The following DHX15 variants were observed in gnomAD, a reference collection of about 807,000 sequenced individuals.
DHX15 encodes the protein DEAH-box helicase 15.
A neutral mutation model predicts 94.4 loss-of-function variants in DHX15; 11 were observed. The ratio of observed to expected loss-of-function variants is 0.12; its 90% CI spans 0.07 to 0.19. The LOEUF (loss-of-function observed/expected upper bound fraction) is 0.19. Ranked by LOEUF, DHX15 falls within the 10% of genes least tolerant of loss-of-function variation. The probability of loss-of-function intolerance (pLI) is 1.00; values close to 1 mark genes in which losing one functional copy is unlikely to be tolerated. For missense variants in DHX15, 304 were observed against 988.5 expected (o/e 0.31, Z 9.29); for synonymous variants, 338 against 329.9 (o/e 1.02, Z -0.27).
rs1359771447 is a variant in DHX15 at position 24,571,634 on chromosome 4, T to C, written c.508-787A>G. Among the ~76,000 whole-genome samples the C allele has an allele frequency of 3.3e-5, 5 of 152,336 alleles. No individual in the cohort carries two copies. In the East Asian group the frequency reaches 9.6e-4, roughly 29 times the overall value. On this transcript the variant is annotated intron_variant, in intron 2 of 13. Coordinates refer to ENST00000336812, the MANE Select transcript of DHX15 (RefSeq NM_001358.3). ...AAAAATGTAAGTGCTCACCATATTA[T>C]ATGGAAATCCACTGCTAGAAGAGCA... is the stretch of plus-strand genomic sequence containing the variant.
chr4:24,575,711 T>C (rs1442172430), intron 2 of DHX15, among the ~76,000 whole-genome samples: 2 of 152,164 alleles, frequency 1.3e-5, no homozygotes, highest in African/African-American at 2.4e-5. Flanking sequence ...TAAATGTCTA[T>C]CAACAGGGGT....
At chr4:24,571,442 A>G (rs1023508357) in intron 2 of DHX15, among the ~76,000 whole-genome samples, 2 of 152,250 alleles carry the variant, frequency 1.3e-5, no homozygotes, top group African/African-American at 4.8e-5. Context: ...GACCTAGAGC[A>G]GCACCACTTC....
At chr4:24,567,577 CAAAAAAAAAA>C (rs1199812637) in intron 3 of DHX15, among the ~76,000 whole-genome samples, 1 of 98,672 alleles carries the variant, frequency 1.0e-5, no homozygotes, top group Non-Finnish European at 2.2e-5. Context: ...ACTCCGTCTC[CAAAAAAAAAA>C]AAAAAAAGTT....
intron 4 of DHX15, 68 bp downstream of exon 4, chr4:24,556,183 A>G (rs540232682): frequency 7.4e-7 from 1 of 1,360,436 alleles, no homozygotes; most frequent in African/African-American, 1.4e-5. Flanking sequence ...ATTGATCAGT[A>G]TGTATTCCCC....
At chr4:24,540,550 A>G (rs1008270505) in intron 9 of DHX15, among the ~76,000 whole-genome samples, 1 of 152,174 alleles carries the variant, frequency 6.6e-6, no homozygotes, top group African/African-American at 2.4e-5. Flanking sequence ...TGTGTTTATC[A>G]AACTGTTTTT....
intron 1 of DHX15, among the ~76,000 whole-genome samples, chr4:24,583,369 G>C (rs921419654): frequency 6.6e-6 from 1 of 152,132 alleles, no homozygotes; most frequent in East Asian, 1.9e-4. Flanking sequence ...CCTCCACATG[G>C]GCGGTGTTTC....
At chr4:24,563,165 T>C (rs1397369247) in intron 3 of DHX15, 11 of 151,172 alleles carry the variant, frequency 7.3e-5, no homozygotes, top group Admixed American at 7.3e-4. Context: ...ATATAAGAAA[T>C]ACATATATAT....
At chr4:24,578,248 C>T (rs141703848) in intron 1 of DHX15, among the ~76,000 whole-genome samples, 67 of 152,318 alleles carry the variant, frequency 4.4e-4, no homozygotes, top group African/African-American at 1.5e-3. Context: ...AGAGTCTGGA[C>T]CTATCTTCTG....
intron 4 of DHX15, among the ~76,000 whole-genome samples, chr4:24,555,956 T>C (rs1178084284): frequency 6.6e-6 from 1 of 152,064 alleles, no homozygotes. Flanking sequence ...TAAGCCTCTG[T>C]ACTTAATGAA....
chr4:24,574,876 A>G lies in DHX15; in HGVS notation c.507+1367T>C, dbSNP rs567519970. On this transcript the variant is annotated intron_variant, in intron 2 of 13. Coordinates refer to ENST00000336812, the MANE Select transcript of DHX15 (RefSeq NM_001358.3). Reference sequence around the variant, plus strand: ...AAATTCTTAAAATTTCCGTAAGGTGATTTTTGAATACCCTAACATCAATTC... The same window carrying G: ...AAATTCTTAAAATTTCCGTAAGGTGGTTTTTGAATACCCTAACATCAATTC... Among the ~76,000 whole-genome samples, 332 of 152,346 alleles carry G rather than the reference A, an allele frequency of 2.2e-3. 3 individuals carry two copies. The highest frequency in any genetic ancestry group is 2.3e-3 in the Non-Finnish European group (155 of 68,030).
At chr4:24,553,960 T>G (rs911150239) in intron 5 of DHX15, among the ~76,000 whole-genome samples, 2 of 152,204 alleles carry the variant, frequency 1.3e-5, no homozygotes, top group African/African-American at 2.4e-5. Context: ...GGCTCACGCC[T>G]GTAATCCCAG....
intron 3 of DHX15, among the ~76,000 whole-genome samples, chr4:24,570,426 G>A (rs942077027): frequency 2.0e-5 from 3 of 152,012 alleles, no homozygotes; most frequent in Non-Finnish European, 4.4e-5. Flanking sequence ...CACCTAAAAT[G>A]CAGAACCAAG....
chr4:24,555,362 A>G (rs116546882), intron 4 of DHX15, among the ~76,000 whole-genome samples: 4 of 152,026 alleles, frequency 2.6e-5, no homozygotes, highest in Non-Finnish European at 4.4e-5. Flanking sequence ...AAAAAGTTTC[A>G]TAAGAGTTCT....
rs779759128 is a variant in DHX15 at position 24,537,232 on chromosome 4, C to A, written c.1787-59G>T. The A allele has an allele frequency of 6.2e-7, 1 of 1,605,930 alleles. No homozygotes were observed. Among genetic ancestry groups the A allele is most frequent in the Non-Finnish European group, 8.5e-7 (1 of 1,175,432 alleles). ...CCCATATCGATGAGTCACGCATTCA[C>A]AGATAGAGGAACAAGGCCTAGCTAG... On this transcript the variant is annotated intron_variant, in intron 10 of 13. Transcript: ENST00000336812. This position sits in a 1 kb window ranked among gnomAD's most constrained non-coding sequence, Gnocchi z 4.7.
rs1560758901 is a variant in DHX15, at chr4:24,529,729, T to C, written c.2142A>G (p.Lys714=). The change falls in exon 13 of 14, where the codon AAA becomes AAG. Residue 714 remains lysine, a synonymous_variant. Transcript: ENST00000336812. The part of the protein sequence containing the change: ...LERTGHYLTV[K]DNQVVQLHPS... Reference sequence around the variant, plus strand: ...GATGCAACTGAACCACCTGGTTATCTTTCACAGTTAAGTAATGCCCTGTTC... The same window carrying C: ...GATGCAACTGAACCACCTGGTTATCCTTCACAGTTAAGTAATGCCCTGTTC... The C allele has an allele frequency of 6.2e-7, 1 of 1,614,238 alleles. No individual in the cohort carries two copies. The highest frequency in any genetic ancestry group is 8.5e-7 in the Non-Finnish European group (1 of 1,180,048).
At chr4:24,528,757 C>T (rs1721015038) in intron 13 of DHX15, among the ~76,000 whole-genome samples, 1 of 152,094 alleles carries the variant, frequency 6.6e-6, no homozygotes, top group Non-Finnish European at 1.5e-5. Context: ...ATAAAACAAT[C>T]CGTTCTTACT....
At position 24,542,927 on chromosome 4, in the gene DHX15, A is replaced by G; in HGVS notation, c.1335+13T>C. On this transcript the variant is annotated intron_variant, in intron 7 of 13. Transcript: ENST00000336812. The stretch of plus-strand genomic sequence containing the variant: ...ACCAACTCTAATTTATAAAGTATCC[A>G]CTAAATATGTACCTTCTGTTTCGCA... 6.2e-7 allele frequency: 1 copy of G among 1,601,566 alleles called. No homozygotes were observed. Among genetic ancestry groups the G allele is most frequent in the Non-Finnish European group, 8.6e-7 (1 of 1,169,418 alleles).
intron 1 of DHX15, among the ~76,000 whole-genome samples, chr4:24,578,062 G>GA (rs1722314864): frequency 6.6e-6 from 1 of 152,146 alleles, no homozygotes; most frequent in Admixed American, 6.5e-5. Flanking sequence ...CATGAAAAGT[G>GA]ATTTTCCCCT....
At chr4:24,540,737 A>T (rs550862167) in intron 9 of DHX15, 103 bp downstream of exon 9, 6 of 637,770 alleles carry the variant, frequency 9.4e-6, no homozygotes, top group Admixed American at 3.4e-5. Context: ...TGGATGGAAA[A>T]AGCAAAATGT....
Sources: gnomAD v4.1 joint callset for allele counts (sites outside exome capture counted in the v4.1 genomes callset) on GRCh38, gnomAD v4.1.1 for gene constraint, Gnocchi (gnomAD v3.1) non-coding constraint, MANE v1.5 for transcripts, NCBI Gene and HGNC (gene_info 2026-07-23, HGNC 2026-07-21) for gene names.